KCNJ3: variants seen among roughly 807,000 people sequenced by gnomAD.
KCNJ3 encodes the protein potassium inwardly rectifying channel subfamily J member 3, also known as G protein-activated inward rectifier potassium channel 1.
In KCNJ3, 4 loss-of-function variants were observed where a neutral mutation model predicts 39.2. The ratio of observed to expected loss-of-function variants is 0.10; its 90% CI spans 0.05 to 0.23. KCNJ3 has a LOEUF of 0.23. KCNJ3 is among the 10% of genes least tolerant of loss of function. The probability of loss-of-function intolerance (pLI) is 1.00; values close to 1 mark genes in which losing one functional copy is unlikely to be tolerated. For synonymous variants in KCNJ3, 230 were observed against 237.4 expected (o/e 0.97, Z 0.29); for missense variants, 276 against 634.9 (o/e 0.43, Z 6.08).
intron 2 of KCNJ3, among the ~76,000 whole-genome samples, chr2:154,776,622 T>A (rs1686340080): frequency 6.6e-6 from 1 of 152,130 alleles, no homozygotes; most frequent in African/African-American, 2.4e-5. Context: ...TATGACTGTA[T>A]CTCTAGAATA....
intron 2 of KCNJ3, among the ~76,000 whole-genome samples, chr2:154,818,698 A>C (rs1687120286): frequency 6.6e-6 from 1 of 152,162 alleles, no homozygotes; most frequent in Non-Finnish European, 1.5e-5. Context: ...TGAAACTTTA[A>C]AAAGAAATTG....
In KCNJ3 at chr2:154,746,111, A is replaced by G. The variant is rs1248914269; in HGVS notation, c.919+36292A>G. Among the ~76,000 whole-genome samples, 4 of 151,972 alleles carry G rather than the reference A, an allele frequency of 2.6e-5. No homozygotes were observed. In the East Asian group the frequency reaches 5.8e-4, roughly 22 times the overall value. On this transcript the variant is annotated intron_variant, in intron 2 of 2. Transcript: ENST00000295101. ...AATACCTTTATGATGACCCACTTCT[A>G]CTTAATGAATAGTAAATAGATTTTC...
chr2:154,786,074 G>T (rs896682802), intron 2 of KCNJ3, among the ~76,000 whole-genome samples: 24 of 152,150 alleles, frequency 1.6e-4, no homozygotes, highest in African/African-American at 5.3e-4. Flanking sequence ...GGACTGCTGT[G>T]GTAATATGGA....
At chr2:154,828,016 G>T (rs1227762179) in intron 2 of KCNJ3, among the ~76,000 whole-genome samples, 1 of 151,974 alleles carries the variant, frequency 6.6e-6, no homozygotes, top group East Asian at 1.9e-4. Context: ...CATAATTTTT[G>T]ACTTCTATAC....
chr2:154,778,957 T>C (rs1686386262), intron 2 of KCNJ3, among the ~76,000 whole-genome samples: 1 of 152,132 alleles, frequency 6.6e-6, no homozygotes, highest in Admixed American at 6.6e-5. Context: ...TATTCCCCTA[T>C]GTGAAATAGA....
intron 1 of KCNJ3, among the ~76,000 whole-genome samples, chr2:154,703,940 G>A (rs1684954441): frequency 6.6e-6 from 1 of 152,048 alleles, no homozygotes; most frequent in Non-Finnish European, 1.5e-5. Context: ...GAGGTCTAAA[G>A]CTGAGTACCT....
At chr2:154,736,869 C>A (rs75652747) in intron 2 of KCNJ3, among the ~76,000 whole-genome samples, 1 of 56,010 alleles carries the variant, frequency 1.8e-5, no homozygotes, top group Non-Finnish European at 4.6e-5. Flanking sequence ...ACTGCTTATA[C>A]TTTTTTCCAG....
chr2:154,734,562 G>T (rs1685493517), intron 2 of KCNJ3, among the ~76,000 whole-genome samples: 1 of 152,160 alleles, frequency 6.6e-6, no homozygotes. Flanking sequence ...TCTGTTGATG[G>T]CTAGAATGGA....
intron 2 of KCNJ3, among the ~76,000 whole-genome samples, chr2:154,731,377 T>C (rs1393957304): frequency 6.6e-6 from 1 of 152,108 alleles, no homozygotes; most frequent in Admixed American, 6.6e-5. Flanking sequence ...TATGTTAGAA[T>C]TAGTAGCTTT....
intron 2 of KCNJ3, among the ~76,000 whole-genome samples, chr2:154,734,049 GCCTTTT>G (rs1685485056): frequency 6.6e-6 from 1 of 152,110 alleles, no homozygotes; most frequent in Admixed American, 6.5e-5. Flanking sequence ...TATTTCTAAG[GCCTTTT>G]TCAGGGATTT....
At chr2:154,820,133 C>T (rs2105109388) in intron 2 of KCNJ3, among the ~76,000 whole-genome samples, 1 of 152,200 alleles carries the variant, frequency 6.6e-6, no homozygotes, top group Admixed American at 6.6e-5. Flanking sequence ...ATTAATTAAC[C>T]TACTGGTGAA....
At chr2:154,709,401 T>A in intron 1 of KCNJ3, 1 of 586,252 alleles carries the variant, frequency 1.7e-6, no homozygotes, top group Non-Finnish European at 3.0e-6. Context: ...TTGTGTATTA[T>A]AAATAATGCA....
intron 2 of KCNJ3, among the ~76,000 whole-genome samples, chr2:154,742,066 C>G (rs1215543920): frequency 6.6e-6 from 1 of 151,826 alleles, no homozygotes. Flanking sequence ...TCCCTGGAAA[C>G]CACCATTTGA....
chr2:154,827,008 CAG>C (rs1687283047), intron 2 of KCNJ3, among the ~76,000 whole-genome samples: 1 of 152,114 alleles, frequency 6.6e-6, no homozygotes, highest in Non-Finnish European at 1.5e-5. Flanking sequence ...CAGAGCAGGT[CAG>C]AGTGTGTGTG....
chr2:154,848,018 C>T (rs1687689904), intron 2 of KCNJ3, among the ~76,000 whole-genome samples: 1 of 152,120 alleles, frequency 6.6e-6, no homozygotes, highest in Non-Finnish European at 1.5e-5. Flanking sequence ...CTTTGTTATT[C>T]AGGAAAGTAG....
In KCNJ3 at chr2:154,746,692, A is replaced by G. The variant is rs1040337026; in HGVS notation, c.919+36873A>G. ...TGTGTGTTTTCAAATATTTCAAGAT[A>G]TTTCAATTTTGAAATTTATTTGGAA... On this transcript the variant is annotated intron_variant, in intron 2 of 2. Coordinates refer to ENST00000295101, the MANE Select transcript of KCNJ3 (RefSeq NM_002239.4). 4.7e-5 allele frequency among the ~76,000 whole-genome samples: 7 copies of G among 150,052 alleles called. No individual in the cohort carries two copies. In the Middle Eastern group the frequency reaches 0.01, roughly 223 times the overall value.
chr2:154,786,148 T>C (rs1686525221), intron 2 of KCNJ3, among the ~76,000 whole-genome samples: 2 of 152,308 alleles, frequency 1.3e-5, no homozygotes, highest in South Asian at 4.1e-4. Context: ...ACTGAGGCCT[T>C]TGGAAAGTGT....
intron 2 of KCNJ3, among the ~76,000 whole-genome samples, chr2:154,831,476 T>C (rs775113892): frequency 4.6e-5 from 7 of 152,112 alleles, no homozygotes; most frequent in Non-Finnish European, 1.0e-4. Context: ...GTTTTAAGGT[T>C]AGGATAATTG....
chr2:154,847,668 T>C (rs1160739618), intron 2 of KCNJ3, among the ~76,000 whole-genome samples: 4 of 152,302 alleles, frequency 2.6e-5, no homozygotes, highest in African/African-American at 9.6e-5. Flanking sequence ...TGAGAGAAAA[T>C]TATCAATATT....
Sources: gnomAD v4.1 joint callset for allele counts (sites outside exome capture counted in the v4.1 genomes callset) on GRCh38, gnomAD v4.1.1 for gene constraint, MANE v1.5 for transcripts, NCBI Gene and HGNC (gene_info 2026-07-23, HGNC 2026-07-21) for gene names.